The following EPB41L2 variants were observed in gnomAD, a reference collection of about 807,000 sequenced individuals.
The protein encoded by EPB41L2 is band 4.1-like protein 2.
In EPB41L2, 43 loss-of-function variants were observed where a neutral mutation model predicts 113.0. The observed-to-expected ratio is 0.38, with a 90% CI of 0.30 to 0.49. The LOEUF (loss-of-function observed/expected upper bound fraction) is 0.49. Ranked by LOEUF, EPB41L2 falls within the 20% of genes least tolerant of loss-of-function variation. EPB41L2 has a pLI of 0.95. For synonymous variants in EPB41L2, 442 were observed against 436.7 expected, an observed-to-expected ratio of 1.01 and a Z score of -0.15; for missense variants, 1,147 against 1,223.4, an observed-to-expected ratio of 0.94 and a Z score of 0.93.
At chr6:130,988,236 TAAA>T (rs1282270413) in intron 1 of EPB41L2, among the ~76,000 whole-genome samples, 3 of 152,076 alleles carry the variant, frequency 2.0e-5, no homozygotes, top group African/African-American at 7.2e-5. Context: ...AAATAGCAGA[TAAA>T]GAAGAATAAC....
chr6:130,926,741 G>A lies in EPB41L2; in HGVS notation c.706-32C>T, dbSNP rs1583525693. 2.1e-6 allele frequency: 3 copies of A among 1,405,990 alleles called. No homozygotes were observed. In the Admixed American group the frequency reaches 6.2e-5, roughly 29 times the overall value. The allele number at this position is 1,405,990 out of a possible 1,614,324, so 87.1% of individuals were successfully genotyped here. ...AAAAAATAATAACTTTACTTTTCAA[G>A]TACTAAAGATTCCAAGACTGCTATA... On this transcript the variant is annotated intron_variant, in intron 3 of 19. Coordinates refer to ENST00000337057, the MANE Select transcript of EPB41L2 (RefSeq NM_001431.4).
intron 1 of EPB41L2, among the ~76,000 whole-genome samples, chr6:131,001,313 G>GGGCA (rs112334376): frequency 6.6e-6 from 1 of 151,712 alleles, no homozygotes; most frequent in African/African-American, 2.4e-5. Context: ...GAGCAAGAGA[G>GGGCA]AGGGCAAGGG....
At position 130,993,680 on chromosome 6, in the gene EPB41L2, G is replaced by T. The variant is rs6906548; in HGVS notation, c.-14-37181C>A. Among the ~76,000 whole-genome samples the T allele has an allele frequency of 4.1e-3, 596 of 146,684 alleles. 5 individuals carry two copies. Among genetic ancestry groups the T allele is most frequent in the African/African-American group, 0.014 (575 of 41,364 alleles). On this transcript the variant is annotated intron_variant, in intron 1 of 19. Coordinates refer to ENST00000337057, the MANE Select transcript of EPB41L2 (RefSeq NM_001431.4). The stretch of plus-strand genomic sequence containing the variant: ...TGCTTCTGCTATCTTGCTGACACCG[G>T]CTGCTGGCGCAAGTGACCTTGCTCC...
At chr6:131,007,017 A>G (rs1026933199) in intron 1 of EPB41L2, among the ~76,000 whole-genome samples, 1 of 152,160 alleles carries the variant, frequency 6.6e-6, no homozygotes, top group Non-Finnish European at 1.5e-5. Flanking sequence ...TTATGGTTAC[A>G]TTTACCTTGG....
At chr6:131,027,007 A>G (rs905536001) in intron 1 of EPB41L2, among the ~76,000 whole-genome samples, 2 of 152,226 alleles carry the variant, frequency 1.3e-5, no homozygotes, top group African/African-American at 4.8e-5. Flanking sequence ...TTTTATCTAC[A>G]TAACTCATTT....
intron 1 of EPB41L2, among the ~76,000 whole-genome samples, chr6:131,026,800 T>C (rs1002805499): frequency 2.0e-5 from 3 of 152,160 alleles, no homozygotes; most frequent in Non-Finnish European, 4.4e-5. Flanking sequence ...CTCTAGTCTG[T>C]ATGGAAAGCC....
At chr6:130,972,937 C>CAAAAAAAAAAAAAAAAAAAAAA (rs57293132) in intron 1 of EPB41L2, among the ~76,000 whole-genome samples, 9 of 59,512 alleles carry the variant, frequency 1.5e-4, no homozygotes, top group South Asian at 8.1e-4. Context: ...ACTAAAGATA[C>CAAAAAAAAAAAAAAAAAAAAAA]AAAAAAAAAA....
intron 3 of EPB41L2, among the ~76,000 whole-genome samples, chr6:130,931,482 T>A (rs1260404875): frequency 6.6e-6 from 1 of 152,136 alleles, no homozygotes; most frequent in Non-Finnish European, 1.5e-5. Context: ...AAATAAGTAG[T>A]ACATTTCTTC....
At chr6:130,884,069 T>A (rs1790130635) in intron 12 of EPB41L2, among the ~76,000 whole-genome samples, 1 of 152,202 alleles carries the variant, frequency 6.6e-6, no homozygotes, top group African/African-American at 2.4e-5. Context: ...GCTCAGTGGC[T>A]CATACCTGTA....
intron 1 of EPB41L2, among the ~76,000 whole-genome samples, chr6:130,989,058 C>T (rs903553469): frequency 1.3e-4 from 20 of 151,642 alleles, no homozygotes; most frequent in African/African-American, 4.9e-4. Flanking sequence ...CACTGCACTC[C>T]AGCCTGGGAG....
chr6:130,902,053 A>G (rs1796440888), intron 6 of EPB41L2, among the ~76,000 whole-genome samples: 1 of 152,202 alleles, frequency 6.6e-6, no homozygotes, highest in South Asian at 2.1e-4. Flanking sequence ...CCCCACTATC[A>G]ATTCCTCTTG....
chr6:130,872,494 G>C, intron 14 of EPB41L2: 1 of 1,289,340 alleles, frequency 7.8e-7, no homozygotes, highest in Non-Finnish European at 1.0e-6. Flanking sequence ...TATCAGAAAA[G>C]CCCTTTTCAC....
At chr6:130,904,437 T>C in intron 6 of EPB41L2, 28 bp downstream of exon 6, 1 of 1,484,896 alleles carries the variant, frequency 6.7e-7, no homozygotes, top group Non-Finnish European at 9.3e-7. Context: ...TAAGGAAAGG[T>C]TCATTTAAAA....
chr6:131,039,909 T>C (rs554529981), intron 1 of EPB41L2, among the ~76,000 whole-genome samples: 5 of 152,020 alleles, frequency 3.3e-5, no homozygotes, highest in African/African-American at 1.2e-4. Context: ...AGGGGAAAAT[T>C]AAGTATTTAT....
intron 1 of EPB41L2, among the ~76,000 whole-genome samples, chr6:130,998,099 G>C (rs536185008): frequency 4.6e-5 from 7 of 152,152 alleles, no homozygotes; most frequent in Non-Finnish European, 8.8e-5. Context: ...ACCACTCTAT[G>C]AGAAATGTAC....
intron 1 of EPB41L2, among the ~76,000 whole-genome samples, chr6:131,023,750 TATATAG>T (rs1445244720): frequency 1.0e-4 from 12 of 117,140 alleles, no homozygotes; most frequent in African/African-American, 4.7e-4. Flanking sequence ...TATATATCTA[TATATAG>T]ATATATAGAT....
intron 3 of EPB41L2, among the ~76,000 whole-genome samples, chr6:130,943,993 C>T (rs900830383): frequency 6.6e-6 from 1 of 152,068 alleles, no homozygotes; most frequent in East Asian, 1.9e-4. Context: ...GCTCTCATGC[C>T]TAGAGTTTCA....
At position 130,890,318 on chromosome 6, in the gene EPB41L2, G is replaced by T; in HGVS notation, c.1636C>A (p.Arg546=). ...CCTCCATCTAGACTCCTGGAGACCC[G>T]TTTACTAGAAGTGCGCTCAAAGTGT... ...APHFERTSSK[R]VSRSLDGAPI... is the part of the protein sequence containing the mutation. The change falls in exon 11 of 20, where the codon CGG becomes AGG. Residue 546 remains arginine, a synonymous_variant. Coordinates refer to ENST00000337057, the MANE Select transcript of EPB41L2 (RefSeq NM_001431.4). The T allele has an allele frequency of 6.2e-7, 1 of 1,612,028 alleles. No homozygotes were observed. Among genetic ancestry groups the T allele is most frequent in the Middle Eastern group, 1.7e-4 (1 of 6,044 alleles).
chr6:131,031,962 G>A (rs1792244781), intron 1 of EPB41L2, among the ~76,000 whole-genome samples: 1 of 152,114 alleles, frequency 6.6e-6, no homozygotes, highest in Admixed American at 6.5e-5. Context: ...AAAAGGGAGA[G>A]GAAGCAAGGC....
Sources: allele counts gnomAD v4.1 joint callset (sites outside exome capture counted in the v4.1 genomes callset), GRCh38; gene constraint gnomAD v4.1.1; transcripts MANE v1.5; gene names NCBI Gene and HGNC (gene_info 2026-07-23, HGNC 2026-07-21).